EPHA6: variants seen among roughly 807,000 people sequenced by gnomAD.
The protein encoded by EPHA6 is ephrin type-A receptor 6.
In EPHA6, 50 loss-of-function variants were observed where a neutral mutation model predicts 112.0. The observed-to-expected ratio is 0.45, with a 90% CI of 0.36 to 0.56. EPHA6 has a LOEUF of 0.56. Ranked by LOEUF, EPHA6 falls within the 20% of genes least tolerant of loss-of-function variation. The pLI is 0.00. For missense variants in EPHA6, 1,280 were observed against 1,417.4 expected, an observed-to-expected ratio of 0.90 and a Z score of 1.56; for synonymous variants, 529 against 490.7, an observed-to-expected ratio of 1.08 and a Z score of -1.03.
chr3:97,548,562 G>A (rs1017913084), intron 11 of EPHA6, among the ~76,000 whole-genome samples: 1 of 152,012 alleles, frequency 6.6e-6, no homozygotes, highest in African/African-American at 2.4e-5. Context: ...CTTGCCTTCT[G>A]TATTTGTCAA....
chr3:97,568,863 G>A (rs531451346), intron 11 of EPHA6, among the ~76,000 whole-genome samples: 21 of 152,180 alleles, frequency 1.4e-4, no homozygotes, highest in Admixed American at 2.6e-4. Flanking sequence ...AAGTGGGGAT[G>A]TATATAACCA....
chr3:97,289,612 C>CT (rs1407946146), intron 5 of EPHA6, among the ~76,000 whole-genome samples: 1 of 151,506 alleles, frequency 6.6e-6, no homozygotes, highest in South Asian at 2.1e-4. Flanking sequence ...TAATTTGGTA[C>CT]TTTTTTAGGA....
At chr3:97,326,387 A>T (rs950450172) in intron 5 of EPHA6, among the ~76,000 whole-genome samples, 1 of 151,582 alleles carries the variant, frequency 6.6e-6, no homozygotes, top group African/African-American at 2.4e-5. Flanking sequence ...TCTTTTCGGC[A>T]TACTGGATTA....
intron 3 of EPHA6, among the ~76,000 whole-genome samples, chr3:96,992,070 T>C (rs1175349050): frequency 6.6e-6 from 1 of 152,104 alleles, no homozygotes; most frequent in African/African-American, 2.4e-5. Flanking sequence ...ATTCACTCTG[T>C]TTATAAGAAT....
intron 5 of EPHA6, among the ~76,000 whole-genome samples, chr3:97,403,715 G>T (rs957467376): frequency 6.6e-6 from 1 of 152,092 alleles, no homozygotes; most frequent in Non-Finnish European, 1.5e-5. Flanking sequence ...CAAAGTGCTG[G>T]GATTACAGGC....
At chr3:97,535,847 T>G (rs908041950) in intron 11 of EPHA6, among the ~76,000 whole-genome samples, 1 of 152,138 alleles carries the variant, frequency 6.6e-6, no homozygotes, top group African/African-American at 2.4e-5. Context: ...AATATGCATT[T>G]TTTTTTATCT....
chr3:97,007,410 A>G (rs1278651952), intron 3 of EPHA6, among the ~76,000 whole-genome samples: 1 of 147,154 alleles, frequency 6.8e-6, no homozygotes, highest in Non-Finnish European at 1.5e-5. Flanking sequence ...GTTTTATCAG[A>G]GATTAGGATT....
Position 97,171,878 on chromosome 3 carries a change from G to A in EPHA6, c.1115-54386G>A, listed in dbSNP as rs181917369. 2.0e-3 allele frequency among the ~76,000 whole-genome samples: 305 copies of A among 152,068 alleles called. 2 individuals are homozygous for A. The highest frequency in any genetic ancestry group is 7.1e-3 in the African/African-American group (296 of 41,506). On this transcript the variant is annotated intron_variant, in intron 3 of 17. Coordinates refer to ENST00000389672, the MANE Select transcript of EPHA6 (RefSeq NM_001080448.3). ...TAACAAAAAACCTTGGTAAACTATA[G>A]GTTAAAATTATGGAGTAATTACTGA... is the stretch of plus-strand genomic sequence containing the variant.
chr3:96,918,319 A>G (rs2039587425), intron 2 of EPHA6, among the ~76,000 whole-genome samples: 1 of 152,196 alleles, frequency 6.6e-6, no homozygotes, highest in Non-Finnish European at 1.5e-5. Flanking sequence ...TTAAACTTTT[A>G]TAGTCTAATG....
intron 13 of EPHA6, among the ~76,000 whole-genome samples, chr3:97,630,544 T>TTA (rs1560208378): frequency 6.6e-6 from 1 of 152,094 alleles, no homozygotes. Context: ...GTTATAGAAG[T>TTA]AATCCTCCAA....
chr3:97,697,110 C>G (rs1176388647), intron 14 of EPHA6, among the ~76,000 whole-genome samples: 1 of 152,162 alleles, frequency 6.6e-6, no homozygotes, highest in African/African-American at 2.4e-5. Context: ...TCCCCGTGGT[C>G]CTATTACAGC....
At chr3:97,677,648 G>C (rs1374478728) in intron 14 of EPHA6, among the ~76,000 whole-genome samples, 1 of 151,502 alleles carries the variant, frequency 6.6e-6, no homozygotes, top group East Asian at 1.9e-4. Flanking sequence ...ATGAATCTGG[G>C]AGGTGGAGGT....
At chr3:97,259,293 A>G (rs1164684478) in intron 5 of EPHA6, among the ~76,000 whole-genome samples, 1 of 152,092 alleles carries the variant, frequency 6.6e-6, no homozygotes, top group Non-Finnish European at 1.5e-5. Flanking sequence ...AACAATAAGA[A>G]TATCTTCTCT....
chr3:97,352,459 C>G (rs1446446560), intron 5 of EPHA6, among the ~76,000 whole-genome samples: 1 of 152,172 alleles, frequency 6.6e-6, no homozygotes, highest in African/African-American at 2.4e-5. Flanking sequence ...GCAGCAGCCA[C>G]ATGGCATAGA....
Position 97,592,617 on chromosome 3 carries a change from T to TTC in EPHA6, c.2393_2394dup (p.Pro799SerfsTer14), listed in dbSNP as rs761744300. ...CAATTTTTATCTCTTAAAAGGATCCTTCCCGGCCATTGGGGTGGAGGCGTT... is the reference window on the plus strand; with the variant it reads ...CAATTTTTATCTCTTAAAAGGATCCTTCTCCCGGCCATTGGGGTGGAGGCGTT... On this transcript the variant is annotated frameshift_variant, in exon 12 of 18. Coordinates refer to ENST00000389672, the MANE Select transcript of EPHA6 (RefSeq NM_001080448.3). LOFTEE classifies it high-confidence loss of function. 1 of 1,605,178 alleles carries TTC rather than the reference T, an allele frequency of 6.2e-7. No homozygotes were observed. The highest frequency in any genetic ancestry group is 8.5e-7 in the Non-Finnish European group (1 of 1,174,054).
intron 2 of EPHA6, among the ~76,000 whole-genome samples, chr3:96,964,152 T>A (rs950963845): frequency 1.3e-5 from 2 of 152,148 alleles, no homozygotes; most frequent in African/African-American, 4.8e-5. Flanking sequence ...GTTTGTCTTT[T>A]GTGTTTCAAG....
intron 5 of EPHA6, among the ~76,000 whole-genome samples, chr3:97,380,852 A>G (rs1417711506): frequency 1.3e-5 from 2 of 152,182 alleles, no homozygotes; most frequent in African/African-American, 4.8e-5. Context: ...AATTAAAACA[A>G]CATCTGCTTC....
chr3:97,254,159 A>AAT (rs147551406), intron 5 of EPHA6, among the ~76,000 whole-genome samples: 5,509 of 149,174 alleles, frequency 0.037, 166 homozygotes, highest in African/African-American at 0.075. Context: ...ATGCAACTCA[A>AAT]ATATATATAT....
rs923453468 is a variant in EPHA6, at chr3:97,751,123, A to C, written c.*2422A>C. 1.3e-5 allele frequency among the ~76,000 whole-genome samples: 2 copies of C among 152,146 alleles called. No individual in the cohort carries two copies. The highest frequency in any genetic ancestry group is 2.9e-5 in the Non-Finnish European group (2 of 68,000). ...AAAAAAGGTATTTAGGAAAATAAGG[A>C]ATAGAATAATATGGTCTTCCACAGG... On this transcript the variant is annotated 3_prime_UTR_variant, in exon 18 of 18. Transcript: ENST00000389672.
Sources: allele counts gnomAD v4.1 joint callset (sites outside exome capture counted in the v4.1 genomes callset), GRCh38; gene constraint gnomAD v4.1.1; transcripts MANE v1.5; gene names NCBI Gene and HGNC (gene_info 2026-07-23, HGNC 2026-07-21).